Variants in GPKOW observed in about 807,000 individuals in gnomAD.
GPKOW encodes G-patch domain and KOW motifs-containing protein.
For missense variants in GPKOW, 359 were observed against 404.7 expected (o/e 0.89, Z 0.97); for synonymous variants, 167 against 159.1 (o/e 1.05, Z -0.37).
At chrX:49,114,138 T>C (rs2065182269) in intron 9 of GPKOW, among the ~76,000 whole-genome samples, 200 bp from the exon 10 acceptor site, 1 of 110,374 alleles carries the variant, frequency 9.1e-6, no homozygotes. Context: ...TCTCTACAGA[T>C]TTTTTTGTTT....
In GPKOW at chrX:49,120,506, A is replaced by C. The variant is rs781825335; in HGVS notation, c.457-692T>G. ...AGTGAGGAAATTACTCTAATAGTCCAGATGAGAGATGCTGGTGGCTCAGCC... is the reference window on the plus strand; with the variant it reads ...AGTGAGGAAATTACTCTAATAGTCCCGATGAGAGATGCTGGTGGCTCAGCC... On this transcript the variant is annotated intron_variant, in intron 3 of 10. Transcript: ENST00000156109. Among the ~76,000 whole-genome samples, 4 of 111,356 alleles carry C rather than the reference A, an allele frequency of 3.6e-5. No homozygotes were observed. In the East Asian group the frequency reaches 8.4e-4, roughly 24 times the overall value.
chrX:49,116,838 G>C (rs1602562782), intron 6 of GPKOW, among the ~76,000 whole-genome samples, 192 bp downstream of exon 6: 1 of 111,356 alleles, frequency 9.0e-6, no homozygotes, highest in East Asian at 2.8e-4. Context: ...GTATGACATC[G>C]ACCTTTCTCC....
chrX:49,121,761 C>A (rs2065213817), intron 3 of GPKOW, among the ~76,000 whole-genome samples: 1 of 110,831 alleles, frequency 9.0e-6, no homozygotes, highest in Non-Finnish European at 1.9e-5. Flanking sequence ...ATTGCTTGGG[C>A]TGTTACTACT....
rs782725189 is a variant in GPKOW, at chrX:49,123,688, G to A, written c.35C>T (p.Thr12Met). The change falls in exon 1 of 11, where the codon ACG becomes ATG. Residue 12 changes from threonine (T) to methionine (M), a missense_variant. By Grantham distance (81) the Thr-to-Met change is moderately conservative. Transcript: ENST00000156109. ...ADSKEGVLPL[T>M]AASTAPISFG... The stretch of plus-strand genomic sequence containing the variant: ...TGAAATTGGGGCAGTGGAAGCAGCC[G>A]TCAGCGGCAAAACACCCTCTTTGGA... The A allele has an allele frequency of 5.8e-6, 7 of 1,206,609 alleles. No individual in the cohort carries two copies. The Admixed American group carries it at 1.5e-4, about 27-fold the overall frequency.
chrX:49,116,463 T>A, intron 6 of GPKOW, 140 bp from the exon 7 acceptor site: 3 of 462,349 alleles, frequency 6.5e-6, no homozygotes, highest in Non-Finnish European at 1.2e-5. Context: ...AAAGTGCCCC[T>A]CTCACCCCTC....
chrX:49,122,368 G>C, intron 3 of GPKOW, 30 bp downstream of exon 3: 1 of 1,105,742 alleles, frequency 9.0e-7, no homozygotes, highest in Non-Finnish European at 1.2e-6. Context: ...AGAAAGGCTG[G>C]GGCAGGAGGG....
At chrX:49,123,122 A>G (rs928651003) in intron 1 of GPKOW, among the ~76,000 whole-genome samples, 2 of 110,099 alleles carry the variant, frequency 1.8e-5, no homozygotes, top group Non-Finnish European at 3.8e-5. Context: ...TCTTCTGGAA[A>G]TCCCTCCCTC....
In GPKOW at chrX:49,113,695, C is replaced by G. The variant is rs1557089678; in HGVS notation, c.1357G>C (p.Glu453Gln). ...RSRALVQLPR[E>Q]NQVVELHYDA... ...TAGTGAAGCTCCACCACCTGATTTTCTCTTGGCAGTTGCACCAAAGCCCGG... is the reference window on the plus strand; with the variant it reads ...TAGTGAAGCTCCACCACCTGATTTTGTCTTGGCAGTTGCACCAAAGCCCGG... Residue 453 changes from glutamate (E) to glutamine (Q), a missense_variant, in exon 11 of 11, where the codon GAA becomes CAA. Physicochemically the swap from Glu to Gln is conservative, Grantham distance 29 (BLOSUM62 2). Transcript: ENST00000156109. 8.3e-7 allele frequency: 1 copy of G among 1,209,680 alleles called. No individual in the cohort carries two copies. Among genetic ancestry groups the G allele is most frequent in the Non-Finnish European group, 1.1e-6 (1 of 894,142 alleles).
chrX:49,122,653 C>A lies in GPKOW; in HGVS notation c.300G>T (p.Val100=). The change falls in exon 2 of 11, where the codon GTG becomes GTT. Residue 100 remains valine (V), a synonymous_variant. Coordinates refer to ENST00000156109, the MANE Select transcript of GPKOW (RefSeq NM_015698.6). ...STDTGALADG[V]VSQAVKELIA... ...TGAGCTCCTTCACAGCCTGGGACACCACCCCATCCGCCAAGGCCCCAGTAT... is the reference window on the plus strand; with the variant it reads ...TGAGCTCCTTCACAGCCTGGGACACAACCCCATCCGCCAAGGCCCCAGTAT... The A allele has an allele frequency of 8.3e-7, 1 of 1,211,467 alleles. No individual in the cohort carries two copies. The highest frequency in any genetic ancestry group is 1.1e-6 in the Non-Finnish European group (1 of 895,059).
At chrX:49,117,006 T>C in intron 6 of GPKOW, 24 bp downstream of exon 6, 1 of 1,198,813 alleles carries the variant, frequency 8.3e-7, no homozygotes, top group South Asian at 1.8e-5. Flanking sequence ...CCAACTCCCC[T>C]AGCTCTACAA....
At position 49,123,534 on chromosome X, in the gene GPKOW, C is replaced by T. The variant is rs1315541126; in HGVS notation, c.176+13G>A. The T allele has an allele frequency of 3.4e-6, 4 of 1,189,004 alleles. No individual in the cohort carries two copies. The African/African-American group carries it at 7.1e-5, about 21-fold the overall frequency. On this transcript the variant is annotated intron_variant, in intron 1 of 10. Transcript: ENST00000156109. ...GCAGAGATTTCCAAGGGGTGAAAGA[C>T]CCGGCGCGTCACCTCTGCAGCTCCC... is the stretch of plus-strand genomic sequence containing the variant.
At chrX:49,123,023 C>A (rs1392670393) in intron 1 of GPKOW, among the ~76,000 whole-genome samples, 1 of 111,429 alleles carries the variant, frequency 9.0e-6, no homozygotes, top group Non-Finnish European at 1.9e-5. Flanking sequence ...AACTCAATAC[C>A]GGCTTCTACA....
intron 3 of GPKOW, 74 bp downstream of exon 3, chrX:49,122,312 GACTTTCCCTGCT>G: frequency 1.2e-6 from 1 of 864,817 alleles, no homozygotes; most frequent in East Asian, 3.6e-5. Context: ...CACACACACA[GACTTTCCCTGCT>G]ACGTGCAGGG....
intron 3 of GPKOW, among the ~76,000 whole-genome samples, chrX:49,121,025 T>C (rs1412351824): frequency 9.0e-6 from 1 of 111,709 alleles, no homozygotes; most frequent in Non-Finnish European, 1.9e-5. Context: ...TCACCTGATA[T>C]GTAGAAAGCT....
At position 49,116,202 on chromosome X, in the gene GPKOW, C is replaced by T. The variant is rs201332189; in HGVS notation, c.1016+19G>A. The T allele has an allele frequency of 3.1e-5, 36 of 1,148,208 alleles. No homozygotes were observed. In the East Asian group the frequency reaches 9.2e-4, roughly 29 times the overall value. The allele number at this position is 1,148,208 out of a possible 1,213,427, so 94.6% of individuals were successfully genotyped here. A position where few individuals can be genotyped will look rare whatever the true frequency, so the allele number is the denominator to read the frequency against. Reference sequence around the variant, plus strand: ...ACAGCCCTGCCTTCTTGACCCCTCCCGCATGCTCAGAGTCCCACCGGTCTG... The same window carrying T: ...ACAGCCCTGCCTTCTTGACCCCTCCTGCATGCTCAGAGTCCCACCGGTCTG... On this transcript the variant is annotated intron_variant, in intron 7 of 10. Coordinates refer to ENST00000156109, the MANE Select transcript of GPKOW (RefSeq NM_015698.6).
intron 3 of GPKOW, among the ~76,000 whole-genome samples, chrX:49,121,302 T>C (rs1557090999): frequency 9.1e-6 from 1 of 109,811 alleles, no homozygotes; most frequent in African/African-American, 3.3e-5. Context: ...GTGACACGTG[T>C]CTGTAATCCC....
chrX:49,113,540 G>A lies in GPKOW; in HGVS notation c.*81C>T. On this transcript the variant is annotated 3_prime_UTR_variant, in exon 11 of 11. Transcript: ENST00000156109. ...CACCAGAAGTAGAGGATGGAACAAT[G>A]ATCTTCCCACCTTCTGAAGGCAACT... is the stretch of plus-strand genomic sequence containing the variant. The A allele has an allele frequency of 1.0e-6, 1 of 968,994 alleles. No individual in the cohort carries two copies. The highest frequency in any genetic ancestry group is 2.0e-5 in the South Asian group (1 of 49,238). The allele number at this position is 968,994 out of a possible 1,213,427, so 79.9% of individuals were successfully genotyped here.
rs781913155 is a variant in GPKOW at position 49,113,620 on chromosome X, G to A, written c.*1C>T. On this transcript the variant is annotated 3_prime_UTR_variant, in exon 11 of 11. Transcript: ENST00000156109. ...CTGGGGGATGGGAGGAGTCCCATGG[G>A]TCAGTCATCATCTGTGTCACTAGGG... 8.3e-7 allele frequency: 1 copy of A among 1,209,534 alleles called. No homozygotes were observed. The highest frequency in any genetic ancestry group is 1.8e-5 in the South Asian group (1 of 56,864).
At position 49,122,703 on chromosome X, in the gene GPKOW, C is replaced by A. The variant is rs1557091297; in HGVS notation, c.250G>T (p.Ala84Ser). The change falls in exon 2 of 11, where the codon GCC (alanine) becomes TCC (serine). Residue 84 changes from alanine to serine, a missense_variant. Ala to Ser is a moderately conservative substitution (Grantham distance 99). Transcript: ENST00000156109. ...IQNGHRRQPPARPPGPSTDTG... is the reference protein window; with the variant it reads ...IQNGHRRQPPSRPPGPSTDTG... ...TCTGTGGATGGCCCAGGGGGCCGGG[C>A]TGGTGGCTGCCTGCGATGGCCATTC... 8.3e-7 allele frequency: 1 copy of A among 1,209,933 alleles called. No individual in the cohort carries two copies. Among genetic ancestry groups the A allele is most frequent in the Non-Finnish European group, 1.1e-6 (1 of 893,739 alleles).
Sources: allele counts gnomAD v4.1 joint callset (sites outside exome capture counted in the v4.1 genomes callset), GRCh38; gene constraint gnomAD v4.1.1; transcripts MANE v1.5; gene names NCBI Gene and HGNC (gene_info 2026-07-23, HGNC 2026-07-21).